CSMD1: variants seen among roughly 807,000 people sequenced by gnomAD.
CSMD1 encodes the protein CUB and Sushi multiple domains 1, also known as CUB and sushi domain-containing protein 1.
Under a neutral mutation model 417.5 loss-of-function variants are expected in CSMD1, and 213 were observed. The ratio of observed to expected loss-of-function variants is 0.51; its 90% CI spans 0.46 to 0.57. The LOEUF (loss-of-function observed/expected upper bound fraction) is 0.57. CSMD1 is among the 20% of genes least tolerant of loss of function. The probability of loss-of-function intolerance (pLI) is 0.00; values close to 1 mark genes in which losing one functional copy is unlikely to be tolerated. For missense variants in CSMD1, 6,923 were observed against 4,529.7 expected, an observed-to-expected ratio of 1.53 and a Z score of -15.17; for synonymous variants, 2,862 against 1,736.8, an observed-to-expected ratio of 1.65 and a Z score of -16.11.
At chr8:4,293,094 G>A (rs893394344) in intron 3 of CSMD1, among the ~76,000 whole-genome samples, 1 of 152,164 alleles carries the variant, frequency 6.6e-6, no homozygotes, top group Non-Finnish European at 1.5e-5. Flanking sequence ...TGCACATGCG[G>A]AAACAGCAGG....
At chr8:4,629,011 T>C (rs1337840109) in intron 2 of CSMD1, among the ~76,000 whole-genome samples, 1 of 152,192 alleles carries the variant, frequency 6.6e-6, no homozygotes, top group African/African-American at 2.4e-5. Flanking sequence ...TCATTGTTTT[T>C]AATGGTAATT....
chr8:3,604,928 A>C (rs1357600893), intron 8 of CSMD1, among the ~76,000 whole-genome samples: 1 of 152,126 alleles, frequency 6.6e-6, no homozygotes, highest in African/African-American at 2.4e-5. Context: ...TTCATAATAA[A>C]ATTTATAATG....
At chr8:4,446,175 G>C (rs192429656) in intron 2 of CSMD1, among the ~76,000 whole-genome samples, 16 of 152,224 alleles carry the variant, frequency 1.1e-4, no homozygotes, top group Middle Eastern at 3.4e-3. Context: ...CATAAATGAC[G>C]CATCAAAGAA....
intron 3 of CSMD1, among the ~76,000 whole-genome samples, chr8:4,229,511 C>T (rs535172578): frequency 6.6e-6 from 1 of 152,296 alleles, no homozygotes; most frequent in South Asian, 2.1e-4. Flanking sequence ...TCATATAATT[C>T]TACTGTAGCT....
chr8:3,475,854 G>A (rs1817375308), intron 11 of CSMD1, among the ~76,000 whole-genome samples: 1 of 152,200 alleles, frequency 6.6e-6, no homozygotes, highest in Non-Finnish European at 1.5e-5. Flanking sequence ...CTTTGAGAGT[G>A]TAACTAAACT....
chr8:3,710,026 C>T (rs775797940), intron 6 of CSMD1, among the ~76,000 whole-genome samples: 3 of 151,914 alleles, frequency 2.0e-5, no homozygotes, highest in Non-Finnish European at 2.9e-5. Context: ...ATGAAAATAG[C>T]CCACTCTTGA....
intron 12 of CSMD1, among the ~76,000 whole-genome samples, chr8:3,449,383 G>C (rs1815540532): frequency 6.6e-6 from 1 of 152,084 alleles, no homozygotes; most frequent in Admixed American, 6.6e-5. Context: ...TGTCTCATGG[G>C]TTGGCTTTGC....
chr8:4,323,299 C>G (rs1312951301), intron 3 of CSMD1, among the ~76,000 whole-genome samples: 2 of 152,150 alleles, frequency 1.3e-5, no homozygotes, highest in African/African-American at 4.8e-5. Context: ...TTATTTCACA[C>G]AGTCTTACTC....
chr8:4,966,563 AAG>A (rs1554534492), intron 1 of CSMD1, among the ~76,000 whole-genome samples: 4 of 152,186 alleles, frequency 2.6e-5, no homozygotes, highest in Non-Finnish European at 2.9e-5. Context: ...ACTGATGTGC[AAG>A]TGTCACACTG....
chr8:4,097,658 G>T (rs1034894487), intron 3 of CSMD1, among the ~76,000 whole-genome samples: 3 of 152,156 alleles, frequency 2.0e-5, no homozygotes, highest in Non-Finnish European at 4.4e-5. Context: ...AACTTTAAAA[G>T]ATGTTCTTGT....
chr8:3,572,329 G>T (rs1432629504), intron 10 of CSMD1, among the ~76,000 whole-genome samples: 1 of 152,150 alleles, frequency 6.6e-6, no homozygotes, highest in African/African-American at 2.4e-5. Flanking sequence ...TTGAGGGAGG[G>T]CTGAGGCTCT....
chr8:4,398,886 A>G (rs79351296), intron 3 of CSMD1, among the ~76,000 whole-genome samples: 1 of 152,216 alleles, frequency 6.6e-6, no homozygotes, highest in Non-Finnish European at 1.5e-5. Flanking sequence ...GACATTCTCA[A>G]TAAAAAATAA....
intron 5 of CSMD1, among the ~76,000 whole-genome samples, chr8:3,773,282 T>C (rs192554868): frequency 6.6e-6 from 1 of 152,120 alleles, no homozygotes; most frequent in African/African-American, 2.4e-5. Context: ...GGGGATATAA[T>C]AGGTTTGGGG....
At chr8:3,263,659 A>C (rs555356641) in intron 26 of CSMD1, among the ~76,000 whole-genome samples, 26 of 152,348 alleles carry the variant, frequency 1.7e-4, no homozygotes, top group Admixed American at 2.6e-4. Context: ...CAAATTAGAA[A>C]ATGTAAAACA....
intron 2 of CSMD1, among the ~76,000 whole-genome samples, chr8:4,632,489 G>T (rs758641598): frequency 6.6e-6 from 1 of 152,164 alleles, no homozygotes; most frequent in Non-Finnish European, 1.5e-5. Context: ...TCCAGCCTGG[G>T]TGACAAGAGC....
chr8:4,032,962 C>T (rs1312543021), intron 3 of CSMD1, among the ~76,000 whole-genome samples: 1 of 151,944 alleles, frequency 6.6e-6, no homozygotes, highest in Non-Finnish European at 1.5e-5. Context: ...CTCCTCAATT[C>T]CGATACGAAA....
chr8:4,470,940 A>G (rs1236903119), intron 2 of CSMD1, among the ~76,000 whole-genome samples: 1 of 152,158 alleles, frequency 6.6e-6, no homozygotes, highest in Non-Finnish European at 1.5e-5. Context: ...TATTTTTGGG[A>G]TTTCCCTCAA....
intron 2 of CSMD1, among the ~76,000 whole-genome samples, chr8:4,583,877 C>T (rs979584867): frequency 2.0e-5 from 3 of 152,052 alleles, no homozygotes; most frequent in African/African-American, 7.2e-5. Flanking sequence ...TCACTCTTTG[C>T]AATAAATCTT....
intron 6 of CSMD1, among the ~76,000 whole-genome samples, chr8:3,742,601 C>T (rs1361602517): frequency 6.6e-6 from 1 of 152,124 alleles, no homozygotes; most frequent in African/African-American, 2.4e-5. Flanking sequence ...TAGTGCTTCA[C>T]CCTAGGACGT....
Sources: allele counts gnomAD v4.1 joint callset (sites outside exome capture counted in the v4.1 genomes callset), GRCh38; gene constraint gnomAD v4.1.1; transcripts MANE v1.5; gene names NCBI Gene and HGNC (gene_info 2026-07-23, HGNC 2026-07-21).